Variants in DHCR7 observed in about 807,000 individuals in gnomAD.
DHCR7 encodes 7-dehydrocholesterol reductase.
DHCR7 carries 40 observed loss-of-function variants against 43.3 expected under a neutral mutation model. The observed-to-expected ratio is 0.92, with a 90% CI of 0.72 to 1.20. DHCR7 has a LOEUF of 1.20. Ranked by LOEUF, DHCR7 falls within the 50% of genes most tolerant of loss-of-function variation. The pLI, the probability that DHCR7 is intolerant of heterozygous loss-of-function variation, is 0.00. For missense variants in DHCR7, 608 were observed against 644.6 expected, an observed-to-expected ratio of 0.94 and a Z score of 0.62; for synonymous variants, 298 against 271.4, an observed-to-expected ratio of 1.10 and a Z score of -0.96.
chr11:71,443,947 C>A, intron 4 of DHCR7, 46 bp downstream of exon 4: 1 of 1,482,584 alleles, frequency 6.7e-7, no homozygotes, highest in Non-Finnish European at 9.3e-7. Flanking sequence ...CAGGAGGGCA[C>A]GCTCCCCACC....
In DHCR7 at chr11:71,435,453, G is replaced by C. The variant is rs772016342; in HGVS notation, c.1350C>G (p.Arg450=). ...LTHRCLRDEH[R]CASKYGRDWE... is the part of the protein sequence containing the mutation. Reference sequence around the variant, plus strand: ...AGTCCCGGCCGTACTTGCTGGCGCAGCGGTGCTCGTCCCGGAGGCAGCGGT... The same window carrying C: ...AGTCCCGGCCGTACTTGCTGGCGCACCGGTGCTCGTCCCGGAGGCAGCGGT... The change falls in exon 9 of 9, where the codon CGC becomes CGG. Residue 450 remains arginine (R), a synonymous_variant. Coordinates refer to ENST00000355527, the MANE Select transcript of DHCR7 (RefSeq NM_001360.3). 61 of 1,612,608 alleles carry C rather than the reference G, an allele frequency of 3.8e-5. No individual in the cohort carries two copies. Among genetic ancestry groups the C allele is most frequent in the Non-Finnish European group, 5.2e-5 (61 of 1,179,996 alleles).
At chr11:71,443,500 G>C (rs554700181) in intron 4 of DHCR7, among the ~76,000 whole-genome samples, 6 of 152,190 alleles carry the variant, frequency 3.9e-5, no homozygotes, top group Admixed American at 6.5e-5. Context: ...TCTGGACTGG[G>C]AGGCCAGTGG....
intron 8 of DHCR7, 59 bp from the exon 9 acceptor site, chr11:71,435,898 T>C: frequency 2.8e-6 from 4 of 1,448,388 alleles, no homozygotes; most frequent in Non-Finnish European, 3.8e-6. Flanking sequence ...GACAGGAGTG[T>C]GGGCTCGGGG....
intron 2 of DHCR7, among the ~76,000 whole-genome samples, chr11:71,446,312 A>G (rs1420989050): frequency 6.6e-6 from 1 of 151,920 alleles, no homozygotes; most frequent in Non-Finnish European, 1.5e-5. Flanking sequence ...AGGAAAAATA[A>G]AAAGTCATAT....
At chr11:71,428,690 A>C (rs1792276) in exon 3 of DHCR7, 323,702 of 365,954 alleles carry the variant, frequency 0.88, 144,934 homozygotes, top group Non-Finnish European at 0.95. Context: ...GCCGTGGTGA[A>C]CCTCCCTGCA....
intron 2 of DHCR7, 94 bp from the exon 3 acceptor site, chr11:71,445,052 C>A: frequency 9.5e-7 from 1 of 1,057,436 alleles, no homozygotes; most frequent in Non-Finnish European, 1.5e-6. Context: ...CCTGGCAGGG[C>A]TGGCCTCCTG....
At position 71,442,306 on chromosome 11, in the gene DHCR7, G is replaced by C. The variant is rs373452254; in HGVS notation, c.369C>G (p.Pro123=). 3.7e-6 allele frequency: 6 copies of C among 1,613,766 alleles called. No individual in the cohort carries two copies. The African/African-American group carries it at 8.0e-5, about 22-fold the overall frequency. Residue 123 remains proline (P), a synonymous_variant, in exon 5 of 9, where the codon CCC becomes CCG. Coordinates refer to ENST00000355527, the MANE Select transcript of DHCR7 (RefSeq NM_001360.3). The stretch of plus-strand genomic sequence containing the variant: ...CCTCCTGGATGCCTCCTACGTAGCC[G>C]GGTAGAAACTTATGGCAGAAGTCAG... The part of the protein sequence containing the change: ...SLPDFCHKFL[P]GYVGGIQEGA...
intron 2 of DHCR7, chr11:71,428,933 T>C: frequency 2.2e-6 from 1 of 448,766 alleles, no homozygotes; most frequent in Non-Finnish European, 4.5e-6. Context: ...AACCATGTAA[T>C]TCAAATGCCT....
intron 2 of DHCR7, among the ~76,000 whole-genome samples, chr11:71,445,825 TG>T (rs1272543157): frequency 7.9e-5 from 12 of 152,232 alleles, no homozygotes; most frequent in African/African-American, 2.9e-4. Context: ...AAGATGCTCT[TG>T]AAAGCTTTTA....
intron 2 of DHCR7, 113 bp from the exon 3 acceptor site, chr11:71,445,071 T>G: frequency 1.2e-6 from 1 of 831,470 alleles, no homozygotes; most frequent in Non-Finnish European, 2.1e-6. Flanking sequence ...TGTGCACATC[T>G]TCCCGGTACC....
At chr11:71,447,174 C>T (rs1949414265) in intron 2 of DHCR7, among the ~76,000 whole-genome samples, 1 of 152,202 alleles carries the variant, frequency 6.6e-6, no homozygotes, top group South Asian at 2.1e-4. Flanking sequence ...CGTCTTGCCC[C>T]AAGCCATGGA....
Position 71,444,215 on chromosome 11 carries a change from C to T in DHCR7, c.99G>A (p.Trp33Ter). ...TASQGQWGRA[W>*]EVDWFSLASV... ...TCGCCAGTGAAAACCAGTCCACCTCCCTGCGAGGACGGATGCAGGCAGTCA... is the reference window on the plus strand; with the variant it reads ...TCGCCAGTGAAAACCAGTCCACCTCTCTGCGAGGACGGATGCAGGCAGTCA... Residue 33 changes from tryptophan (W) to a stop codon, truncating the protein, a stop_gained and splice_region_variant, in exon 4 of 9, where the codon TGG becomes TGA. Coordinates refer to ENST00000355527, the MANE Select transcript of DHCR7 (RefSeq NM_001360.3). LOFTEE classifies it high-confidence loss of function. 1 of 1,578,602 alleles carries T rather than the reference C, an allele frequency of 6.3e-7. No homozygotes were observed. Among genetic ancestry groups the T allele is most frequent in the Non-Finnish European group, 8.6e-7 (1 of 1,161,168 alleles).
At position 71,444,428 on chromosome 11, in the gene DHCR7, T is replaced by C. The variant is rs923303129; in HGVS notation, c.99-213A>G. Among the ~76,000 whole-genome samples the C allele has an allele frequency of 2.6e-5, 4 of 152,300 alleles. 1 individual carries two copies. The highest frequency in any genetic ancestry group is 6.8e-3 in the Middle Eastern group (2 of 294). On this transcript the variant is annotated intron_variant, in intron 3 of 8. Transcript: ENST00000355527. The stretch of plus-strand genomic sequence containing the variant: ...GTTGATTAACTGGTGGCACTATCTG[T>C]GGCCCCCATGGAAGGCCCAGAGCTC...
downstream of DHCR7, among the ~76,000 whole-genome samples, chr11:71,431,087 G>A (rs746095135): frequency 3.3e-5 from 5 of 152,294 alleles, no homozygotes; most frequent in African/African-American, 9.6e-5. Context: ...CCCGGGAGGC[G>A]GAGGTTGCAG....
downstream of DHCR7, among the ~76,000 whole-genome samples, chr11:71,434,217 G>A (rs1243323046): frequency 6.6e-6 from 1 of 152,198 alleles, no homozygotes; most frequent in African/African-American, 2.4e-5. Flanking sequence ...CCAGCAAAGG[G>A]CTGACATGGG....
rs143459841 is a variant in DHCR7, at chr11:71,435,244, G to A, written c.*131C>T. The A allele has an allele frequency of 3.1e-6, 3 of 970,264 alleles. No homozygotes were observed. Among genetic ancestry groups the A allele is most frequent in the Non-Finnish European group, 4.9e-6 (3 of 614,810 alleles). 60.1% of individuals were successfully genotyped at this position (970,264 alleles called of 1,614,324 possible). On this transcript the variant is annotated 3_prime_UTR_variant, in exon 9 of 9. Coordinates refer to ENST00000355527, the MANE Select transcript of DHCR7 (RefSeq NM_001360.3). The stretch of plus-strand genomic sequence containing the variant: ...TGATTAGGTACTGGACACCTGCCAA[G>A]TGCTGGGCTCTCTCCAGTTTACAGA...
chr11:71,444,348 A>G (rs975389904), intron 3 of DHCR7, 133 bp from the exon 4 acceptor site: 4 of 747,498 alleles, frequency 5.4e-6, no homozygotes, highest in Non-Finnish European at 9.3e-6. Context: ...ATTAGCTCCT[A>G]GCACGGGCCC....
At position 71,435,941 on chromosome 11, in the gene DHCR7, C is replaced by A. The variant is rs1390658248; in HGVS notation, c.964-102G>T. 6 of 922,666 alleles carry A rather than the reference C, an allele frequency of 6.5e-6. No individual in the cohort carries two copies. In the South Asian group the frequency reaches 8.4e-5, roughly 13 times the overall value. 57.2% of individuals were successfully genotyped at this position (922,666 alleles called of 1,614,324 possible). ...GGCCTGGGGTCAAACCCCAGCTCTG[C>A]CTCTGACACACGCCTTGCCTCCGTG... On this transcript the variant is annotated intron_variant, in intron 8 of 8. Transcript: ENST00000355527.
rs914187431 is a variant in DHCR7, at chr11:71,434,489, C to G, written c.*886G>C. 1.3e-5 allele frequency: 2 copies of G among 155,120 alleles called. No homozygotes were observed. The highest frequency in any genetic ancestry group is 4.8e-5 in the African/African-American group (2 of 41,420). The allele number at this position is 155,120 out of a possible 1,614,324, so 9.6% of individuals were successfully genotyped here. On this transcript the variant is annotated 3_prime_UTR_variant, in exon 9 of 9. Coordinates refer to ENST00000355527, the MANE Select transcript of DHCR7 (RefSeq NM_001360.3). ...GTTTAAAAAGAGTTCTACACAACAC[C>G]CTAGGGATGAGGAAGAATGCCTCAG...
Sources: gnomAD v4.1 joint callset for allele counts (sites outside exome capture counted in the v4.1 genomes callset) on GRCh38, gnomAD v4.1.1 for gene constraint, MANE v1.5 for transcripts, NCBI Gene and HGNC (gene_info 2026-07-23, HGNC 2026-07-21) for gene names.